PAN3: variants seen among roughly 807,000 people sequenced by gnomAD.
PAN3 encodes the protein poly(A) specific ribonuclease subunit PAN3.
A neutral mutation model predicts 96.2 loss-of-function variants in PAN3; 19 were observed. The ratio of observed to expected loss-of-function variants is 0.20; its 90% CI spans 0.14 to 0.29. PAN3 has a LOEUF of 0.29. Ranked by LOEUF, PAN3 falls within the 10% of genes least tolerant of loss-of-function variation. The pLI, the probability that PAN3 is intolerant of heterozygous loss-of-function variation, is 1.00. For synonymous variants in PAN3, 433 were observed against 406.6 expected (o/e 1.06, Z -0.78); for missense variants, 882 against 1,108.1 (o/e 0.80, Z 2.90).
At chr13:28,251,665 A>G (rs948164659) in intron 6 of PAN3, among the ~76,000 whole-genome samples, 6 of 152,058 alleles carry the variant, frequency 3.9e-5, no homozygotes, top group Admixed American at 1.3e-4. Flanking sequence ...AATGTCCTGT[A>G]TTTACTGCTT....
At chr13:28,240,523 T>C (rs555291265) in intron 6 of PAN3, among the ~76,000 whole-genome samples, 1 of 152,316 alleles carries the variant, frequency 6.6e-6, no homozygotes, top group South Asian at 2.1e-4. Context: ...GGAGTAATGA[T>C]AGTATTACCT....
Position 28,176,499 on chromosome 13 carries a change from A to G in PAN3, c.559A>G (p.Thr187Ala). Reference protein sequence around the residue: ...ETKYPLMQRMTNSSSSPSLLN... With the variant: ...ETKYPLMQRMANSSSSPSLLN... ...TAAATATTTTGTTTTTCAGAGAATG[A>G]CTAATAGTAGCAGCTCCCCAAGCCT... is the stretch of plus-strand genomic sequence containing the variant. Residue 187 changes from threonine (T) to alanine (A), a missense_variant, in exon 3 of 19, where the codon ACT (threonine) becomes GCT (alanine). By Grantham distance (58) the Thr-to-Ala change is moderately conservative (BLOSUM62 0). This residue lies in a region of PAN3 where 442 missense variants were observed against 422.8 expected (regional missense o/e 1.05). Coordinates refer to ENST00000380958, the MANE Select transcript of PAN3 (RefSeq NM_175854.8). 2 of 1,613,570 alleles carry G rather than the reference A, an allele frequency of 1.2e-6. No individual in the cohort carries two copies. Among genetic ancestry groups the G allele is most frequent in the Non-Finnish European group, 8.5e-7 (1 of 1,179,546 alleles).
chr13:28,255,595 A>G (rs1885073642), intron 6 of PAN3, among the ~76,000 whole-genome samples: 1 of 152,160 alleles, frequency 6.6e-6, no homozygotes, highest in African/African-American at 2.4e-5. Context: ...TTCCACTAGA[A>G]CATAATGGTA....
intron 6 of PAN3, among the ~76,000 whole-genome samples, chr13:28,234,830 T>A (rs1024201238): frequency 3.9e-5 from 6 of 152,176 alleles, no homozygotes; most frequent in African/African-American, 1.4e-4. Flanking sequence ...GATCTTCATT[T>A]TCCATATCTA....
At chr13:28,210,314 C>T (rs531950399) in intron 5 of PAN3, among the ~76,000 whole-genome samples, 1 of 152,106 alleles carries the variant, frequency 6.6e-6, no homozygotes, top group Non-Finnish European at 1.5e-5. Context: ...AAGCTTGTTA[C>T]TAATTGATCT....
chr13:28,272,426 C>T (rs1886698856), intron 14 of PAN3: 1 of 165,094 alleles, frequency 6.1e-6, no homozygotes, highest in South Asian at 2.0e-4. Context: ...ACTACTGTGT[C>T]TGGCTAAAAT....
At chr13:28,188,596 GA>G (rs200791650) in intron 4 of PAN3, among the ~76,000 whole-genome samples, 1 of 147,736 alleles carries the variant, frequency 6.8e-6, no homozygotes, top group Non-Finnish European at 1.5e-5. Context: ...AGACTGTCTA[GA>G]AAAAAAAAGA....
chr13:28,153,231 G>GC (rs1441946619), intron 1 of PAN3, among the ~76,000 whole-genome samples: 2 of 129,802 alleles, frequency 1.5e-5, no homozygotes, highest in African/African-American at 3.1e-5. Context: ...TGTATAATAC[G>GC]CTTTTTTTTT....
intron 5 of PAN3, among the ~76,000 whole-genome samples, chr13:28,205,419 C>T (rs1879228629): frequency 6.6e-6 from 1 of 152,092 alleles, no homozygotes; most frequent in Non-Finnish European, 1.5e-5. Context: ...GTTCTCAGAC[C>T]TACTCAACCC....
intron 1 of PAN3, among the ~76,000 whole-genome samples, chr13:28,171,386 T>G (rs1257656105): frequency 6.6e-6 from 1 of 152,152 alleles, no homozygotes; most frequent in African/African-American, 2.4e-5. Context: ...ACAATTCAAT[T>G]ATGACACTAC....
At chr13:28,175,797 T>C (rs1874889283) in intron 2 of PAN3, among the ~76,000 whole-genome samples, 1 of 152,240 alleles carries the variant, frequency 6.6e-6, no homozygotes, top group Non-Finnish European at 1.5e-5. Context: ...TATATATTTT[T>C]GTATTAAAAT....
intron 6 of PAN3, among the ~76,000 whole-genome samples, chr13:28,237,341 A>G (rs745761902): frequency 1.3e-5 from 2 of 152,156 alleles, no homozygotes; most frequent in Non-Finnish European, 2.9e-5. Flanking sequence ...AGGTAATAAG[A>G]CTGGAAAAGA....
chr13:28,178,046 G>T, intron 4 of PAN3, 111 bp downstream of exon 4: 1 of 888,878 alleles, frequency 1.1e-6, no homozygotes, highest in Non-Finnish European at 1.7e-6. Flanking sequence ...CTTTTTATGG[G>T]CTTTAGTGTT....
chr13:28,225,563 A>T (rs1881906372), intron 6 of PAN3, among the ~76,000 whole-genome samples: 1 of 152,190 alleles, frequency 6.6e-6, no homozygotes, highest in Non-Finnish European at 1.5e-5. Context: ...GGCATTTCTG[A>T]CAGATTGTCA....
intron 5 of PAN3, among the ~76,000 whole-genome samples, chr13:28,219,115 G>A (rs994219955): frequency 3.3e-5 from 5 of 152,078 alleles, no homozygotes; most frequent in African/African-American, 4.8e-5. Context: ...CACTGTTTTC[G>A]GGAATGTTAT....
Position 28,181,504 on chromosome 13 carries a change from CAAAAAAAAAAAA to C in PAN3, c.690+3582_690+3593del, listed in dbSNP as rs894039087. ...TGTGTGACAGAGCAAAACCCTGTCT[CAAAAAAAAAAAA>C]AAAAAAAAAAAAGGCCCAAAACAAA... is the stretch of plus-strand genomic sequence containing the variant. On this transcript the variant is annotated intron_variant, in intron 4 of 18. Transcript: ENST00000380958. Among the ~76,000 whole-genome samples, 178 of 57,276 alleles carry C rather than the reference CAAAAAAAAAAAA, an allele frequency of 3.1e-3. 1 individual carries two copies. Among genetic ancestry groups the C allele is most frequent in the African/African-American group, 0.012 (174 of 14,154 alleles). The allele number at this position is 57,276 out of a possible 152,430, so 37.6% of individuals were successfully genotyped here. A position where few individuals can be genotyped will look rare whatever the true frequency, so the allele number is the denominator to read the frequency against.
chr13:28,273,234 A>G (rs1460144146), intron 14 of PAN3, among the ~76,000 whole-genome samples: 3 of 152,100 alleles, frequency 2.0e-5, no homozygotes, highest in Non-Finnish European at 4.4e-5. Flanking sequence ...CTTCTTAGCT[A>G]TTTTGCTGTT....
intron 6 of PAN3, among the ~76,000 whole-genome samples, chr13:28,221,340 T>TG (rs1881385614): frequency 7.0e-6 from 1 of 143,162 alleles, no homozygotes; most frequent in African/African-American, 2.9e-5. Context: ...CACTTGGTCT[T>TG]GGACATTAAA....
At chr13:28,183,671 G>A (rs1030448880) in intron 4 of PAN3, among the ~76,000 whole-genome samples, 1 of 152,192 alleles carries the variant, frequency 6.6e-6, no homozygotes, top group South Asian at 2.1e-4. Context: ...ATAATAACAC[G>A]GCAGTGTTGG....
Sources: allele counts gnomAD v4.1 joint callset (sites outside exome capture counted in the v4.1 genomes callset), GRCh38; gene constraint gnomAD v4.1.1; regional missense constraint gnomAD v4.1.1; transcripts MANE v1.5; gene names NCBI Gene and HGNC (gene_info 2026-07-23, HGNC 2026-07-21).